The following MCFD2 variants were observed in gnomAD, a reference collection of about 807,000 sequenced individuals.
MCFD2 encodes multiple coagulation factor deficiency protein 2.
In MCFD2, 11 loss-of-function variants were observed where a neutral mutation model predicts 12.8. The ratio of observed to expected loss-of-function variants is 0.86; its 90% CI spans 0.54 to 1.42. The LOEUF is 1.42. Among genes scored for constraint, MCFD2 ranks in the 40% most tolerant of loss-of-function variants. The pLI, the probability that MCFD2 is intolerant of heterozygous loss-of-function variation, is 0.00. For synonymous variants in MCFD2, 70 were observed against 68.1 expected, an observed-to-expected ratio of 1.03 and a Z score of -0.14; for missense variants, 191 against 178.6, an observed-to-expected ratio of 1.07 and a Z score of -0.40.
chr2:46,913,401 A>G (rs994850181), intron 1 of MCFD2, among the ~76,000 whole-genome samples: 2 of 152,128 alleles, frequency 1.3e-5, no homozygotes, highest in African/African-American at 4.8e-5. Context: ...AAAGAGAGAG[A>G]GAGAGAGGAA....
Position 46,941,770 on chromosome 2 carries a change from A to G in MCFD2, c.-206T>C, listed in dbSNP as rs367805002. On this transcript the variant is annotated 5_prime_UTR_variant, in exon 1 of 3. Transcript: ENST00000409147. This position sits in a 1 kb window ranked among gnomAD's most constrained non-coding sequence, Gnocchi z 4.2. ...GGCTCGCCGGCAGCGAGCGCGCGAA[A>G]CGCACCGCCTCCTCCAGGAAGCGCG... 5.2e-6 allele frequency: 8 copies of G among 1,545,864 alleles called. No individual in the cohort carries two copies. The highest frequency in any genetic ancestry group is 2.5e-5 in the East Asian group (1 of 40,810).
rs1558489219 is a variant in MCFD2, at chr2:46,941,674, G to T, written c.-110C>A. 1 of 1,551,742 alleles carries T rather than the reference G, an allele frequency of 6.4e-7. No homozygotes were observed. Among genetic ancestry groups the T allele is most frequent in the East Asian group, 2.4e-5 (1 of 41,152 alleles). ...GCAGACGCTGAGCATGCCCGGCGGC[G>T]GAGGTAACAGGCGAGGCAGCCCGAG... On this transcript the variant is annotated 5_prime_UTR_variant, in exon 1 of 3. Coordinates refer to the MCFD2 transcript ENST00000409147. This position sits in a 1 kb window ranked among gnomAD's most constrained non-coding sequence, Gnocchi z 4.2.
At chr2:46,919,310 A>G (rs1238054800), upstream of MCFD2, among the ~76,000 whole-genome samples, 2 of 152,150 alleles carry the variant, frequency 1.3e-5, no homozygotes, top group Non-Finnish European at 2.9e-5. Flanking sequence ...CGAGGCGGCA[A>G]ATCACCTCAG....
intron 3 of MCFD2, among the ~76,000 whole-genome samples, chr2:46,906,175 C>G (rs745911512): frequency 2.0e-5 from 3 of 152,180 alleles, no homozygotes; most frequent in Non-Finnish European, 4.4e-5. Flanking sequence ...CTCCCACATT[C>G]ACCATTCCCT....
upstream of MCFD2, chr2:46,917,239 C>T (rs555979766): frequency 7.8e-4 from 545 of 700,616 alleles, 3 homozygotes; most frequent in South Asian, 6.5e-3. Flanking sequence ...AAGCAATCCT[C>T]CCACCACCTC....
At chr2:46,929,563 A>C (rs929610408) in intron 1 of MCFD2, among the ~76,000 whole-genome samples, 9 of 152,230 alleles carry the variant, frequency 5.9e-5, no homozygotes, top group African/African-American at 1.9e-4. Context: ...AAGGAAATGT[A>C]AAAAAATTTT....
rs558969038 is a variant in MCFD2 at position 46,908,063 on chromosome 2, C to A, written c.150-94G>T. The stretch of plus-strand genomic sequence containing the variant: ...TGAAAAGTTCAAGATCTTAAACTTC[C>A]TCCAGCTCAGAAAAACAAACACCAG... On this transcript the variant is annotated intron_variant, in intron 2 of 3. Transcript: ENST00000319466. The surrounding 1 kb of genome is among the most constrained non-coding windows in gnomAD (Gnocchi z 4.5). 4.3e-6 allele frequency: 6 copies of A among 1,406,878 alleles called. No individual in the cohort carries two copies. The highest frequency in any genetic ancestry group is 4.9e-6 in the Non-Finnish European group (5 of 1,012,688). The allele number at this position is 1,406,878 out of a possible 1,614,324, so 87.1% of individuals were successfully genotyped here.
chr2:46,941,764 C>A lies in MCFD2; in HGVS notation c.-200G>T, dbSNP rs1437848853. 1 of 1,546,504 alleles carries A rather than the reference C, an allele frequency of 6.5e-7. No homozygotes were observed. Among genetic ancestry groups the A allele is most frequent in the African/African-American group, 1.4e-5 (1 of 73,024 alleles). On this transcript the variant is annotated 5_prime_UTR_variant, in exon 1 of 3. Transcript: ENST00000409147. The surrounding 1 kb of genome is among the most constrained non-coding windows in gnomAD (Gnocchi z 4.2). ...GAGGCTGGCTCGCCGGCAGCGAGCG[C>A]GCGAAACGCACCGCCTCCTCCAGGA...
rs1051317 is a variant in MCFD2, at chr2:46,903,009, G to T, written c.*2454C>A. ...AATATTCTTGAAAGGATGCTGATAT[G>T]GTTTGGTTGTGTCCCCCCACAAATC... is the stretch of plus-strand genomic sequence containing the variant. On this transcript the variant is annotated 3_prime_UTR_variant, in exon 4 of 4. Transcript: ENST00000319466. The T allele has an allele frequency of 0.21, 32,188 of 152,124 alleles. 3,931 individuals carry two copies. The highest frequency in any genetic ancestry group is 0.27 in the Non-Finnish European group (18,360 of 67,988). 9.4% of individuals were successfully genotyped at this position (152,124 alleles called of 1,614,324 possible). A position where few individuals can be genotyped will look rare whatever the true frequency, so the allele number is the denominator to read the frequency against.
rs900826974 is a variant in MCFD2 at position 46,938,116 on chromosome 2, C to T, written c.-8+3456G>A. Reference sequence around the variant, plus strand: ...ACTAGAATGGGAAACAGCCCCATGGCCAGATCTCCAAAACCTCCTTGAACA... The same window carrying T: ...ACTAGAATGGGAAACAGCCCCATGGTCAGATCTCCAAAACCTCCTTGAACA... On this transcript the variant is annotated intron_variant, in intron 1 of 2. Coordinates refer to the MCFD2 transcript ENST00000409147. Among the ~76,000 whole-genome samples the T allele has an allele frequency of 3.9e-5, 6 of 151,948 alleles. No individual in the cohort carries two copies. The East Asian group carries it at 1.2e-3, about 29-fold the overall frequency.
At chr2:46,925,520 T>G (rs1429293610) in intron 1 of MCFD2, among the ~76,000 whole-genome samples, 1 of 152,066 alleles carries the variant, frequency 6.6e-6, no homozygotes, top group Non-Finnish European at 1.5e-5. Context: ...ATTACACCAC[T>G]GCACTCCAGC....
Position 46,941,238 on chromosome 2 carries a change from A to AGCG in MCFD2, c.-8+331_-8+333dup, listed in dbSNP as rs998042740. 2.5e-4 allele frequency: 37 copies of AGCG among 147,648 alleles called. No individual in the cohort carries two copies. The highest frequency in any genetic ancestry group is 8.0e-4 in the East Asian group (4 of 4,984). The allele number at this position is 147,648 out of a possible 1,614,324, so 9.1% of individuals were successfully genotyped here. On this transcript the variant is annotated intron_variant, in intron 1 of 2. Coordinates refer to the MCFD2 transcript ENST00000409147. This position sits in a 1 kb window ranked among gnomAD's most constrained non-coding sequence, Gnocchi z 4.2. ...GGGCGGAGGCTGTGGCAGCAGCTGC[A>AGCG]GCGGCGGCGGCGGCGGCAGCGCCAG...
chr2:46,917,241 C>G, upstream of MCFD2: 1 of 694,966 alleles, frequency 1.4e-6, no homozygotes, highest in East Asian at 2.7e-5. Flanking sequence ...GCAATCCTCC[C>G]ACCACCTCCG....
rs1325872445 is a variant in MCFD2 at position 46,937,061 on chromosome 2, G to T, written c.-8+4511C>A. On this transcript the variant is annotated intron_variant, in intron 1 of 2. Transcript: ENST00000409147. This position sits in a 1 kb window ranked among gnomAD's most constrained non-coding sequence, Gnocchi z 4.0. ...TGTAGAGATGGGTTTTTGCCATATT[G>T]CCCAGGCTCGTCTCGAACTCCTGAG... 6.6e-6 allele frequency among the ~76,000 whole-genome samples: 1 copy of T among 151,792 alleles called. No homozygotes were observed.
In MCFD2 at chr2:46,904,039, A is replaced by G. The variant is rs918707809; in HGVS notation, c.*1424T>C. On this transcript the variant is annotated 3_prime_UTR_variant, in exon 4 of 4. Transcript: ENST00000319466. ...CCAGCCATGGCTGAAAGGGGCCAAC[A>G]TACAGCTCGGGCTGTGGCTTCAGAG... is the stretch of plus-strand genomic sequence containing the variant. The G allele has an allele frequency of 1.3e-5, 2 of 152,254 alleles. No individual in the cohort carries two copies. The highest frequency in any genetic ancestry group is 2.4e-5 in the African/African-American group (1 of 41,426). 9.4% of individuals were successfully genotyped at this position (152,254 alleles called of 1,614,324 possible). A position where few individuals can be genotyped will look rare whatever the true frequency, so the allele number is the denominator to read the frequency against.
In MCFD2 at chr2:46,941,235, T is replaced by TGCAGCGGCG. The variant is rs1006531705; in HGVS notation, c.-8+328_-8+336dup. ...CCGGGGCGGAGGCTGTGGCAGCAGC[T>TGCAGCGGCG]GCAGCGGCGGCGGCGGCGGCAGCGC... On this transcript the variant is annotated intron_variant, in intron 1 of 2. Transcript: ENST00000409147. The surrounding 1 kb of genome is among the most constrained non-coding windows in gnomAD (Gnocchi z 4.2). 6.7e-6 allele frequency: 1 copy of TGCAGCGGCG among 149,794 alleles called. No individual in the cohort carries two copies. Among genetic ancestry groups the TGCAGCGGCG allele is most frequent in the East Asian group, 2.0e-4 (1 of 5,122 alleles). 9.3% of individuals were successfully genotyped at this position (149,794 alleles called of 1,614,324 possible).
chr2:46,936,971 C>G (rs140671628), intron 1 of MCFD2, among the ~76,000 whole-genome samples: 157 of 152,080 alleles, frequency 1.0e-3, no homozygotes, highest in African/African-American at 3.5e-3. Context: ...CCTCCCACCT[C>G]AGCCCCTCAA....
intron 1 of MCFD2, among the ~76,000 whole-genome samples, chr2:46,929,181 C>G (rs937277427): frequency 6.6e-6 from 1 of 151,768 alleles, no homozygotes; most frequent in Non-Finnish European, 1.5e-5. Flanking sequence ...GAAAACAAAA[C>G]AAAACAAAAA....
chr2:46,910,173 ACAGT>A (rs1457839210), intron 1 of MCFD2, among the ~76,000 whole-genome samples: 1 of 152,176 alleles, frequency 6.6e-6, no homozygotes, highest in Non-Finnish European at 1.5e-5. Context: ...CAATAAGATG[ACAGT>A]CAGCTACAGA....
Sources: gnomAD v4.1 joint callset for allele counts (sites outside exome capture counted in the v4.1 genomes callset) on GRCh38, gnomAD v4.1.1 for gene constraint, Gnocchi (gnomAD v3.1) non-coding constraint, MANE v1.5 for transcripts, NCBI Gene and HGNC (gene_info 2026-07-23, HGNC 2026-07-21) for gene names.